The following CHL1 variants were observed in gnomAD, a reference collection of about 807,000 sequenced individuals.
CHL1 encodes the protein cell adhesion molecule L1 like.
A neutral mutation model predicts 141.9 loss-of-function variants in CHL1; 96 were observed. That is an observed-to-expected ratio of 0.68 (90% CI 0.57 to 0.80). The LOEUF is 0.80. Ranked by LOEUF, CHL1 falls within the 30% of genes least tolerant of loss-of-function variation. CHL1 has a pLI of 0.00. For synonymous variants in CHL1, 613 were observed against 502.2 expected (o/e 1.22, Z -2.95); for missense variants, 1,820 against 1,457.2 (o/e 1.25, Z -4.05).
At chr3:382,730 C>T in intron 18 of CHL1, 59 bp downstream of exon 18, 2 of 1,402,190 alleles carry the variant, frequency 1.4e-6, no homozygotes, top group African/African-American at 1.4e-5. Flanking sequence ...CATCTTTGAA[C>T]ATCTAAAAAA....
intron 1 of CHL1, among the ~76,000 whole-genome samples, chr3:244,309 G>A (rs1219555710): frequency 1.3e-5 from 2 of 152,164 alleles, no homozygotes; most frequent in African/African-American, 4.8e-5. Flanking sequence ...GTGGTCTGTT[G>A]CAAAATACGT....
chr3:348,336 T>A (rs1702943387), intron 9 of CHL1, among the ~76,000 whole-genome samples: 2 of 152,162 alleles, frequency 1.3e-5, no homozygotes, highest in Non-Finnish European at 2.9e-5. Context: ...CAGCTACTAA[T>A]AACAAGAAGA....
At chr3:268,961 GA>G (rs1283124746) in intron 2 of CHL1, among the ~76,000 whole-genome samples, 2 of 152,172 alleles carry the variant, frequency 1.3e-5, no homozygotes, top group African/African-American at 4.8e-5. Flanking sequence ...TGTTGAGTGG[GA>G]TTTTGTATTT....
At chr3:309,632 C>T (rs1455935165) in intron 2 of CHL1, among the ~76,000 whole-genome samples, 1 of 151,920 alleles carries the variant, frequency 6.6e-6, no homozygotes, top group Non-Finnish European at 1.5e-5. Context: ...ACCTTGGCCT[C>T]CTGAGAAGCT....
intron 1 of CHL1, among the ~76,000 whole-genome samples, chr3:242,316 G>GC: frequency 6.6e-6 from 1 of 151,556 alleles, no homozygotes. Flanking sequence ...ACAGAGACTG[G>GC]CTGAGCGCGG....
chr3:289,307 C>T (rs936615175), intron 2 of CHL1, among the ~76,000 whole-genome samples: 1 of 152,164 alleles, frequency 6.6e-6, no homozygotes, highest in Non-Finnish European at 1.5e-5. Flanking sequence ...TCAAACTTAC[C>T]GATAACACAT....
chr3:270,881 A>C (rs1347573083), intron 2 of CHL1, among the ~76,000 whole-genome samples: 1 of 152,236 alleles, frequency 6.6e-6, no homozygotes, highest in East Asian at 1.9e-4. Context: ...TGACCTCTCC[A>C]TCACAGCAGT....
At chr3:282,103 T>C (rs538132424) in intron 2 of CHL1, among the ~76,000 whole-genome samples, 1 of 152,362 alleles carries the variant, frequency 6.6e-6, no homozygotes, top group Non-Finnish European at 1.5e-5. Context: ...AAATAAATAT[T>C]GTCTGGCATG....
intron 1 of CHL1, among the ~76,000 whole-genome samples, chr3:220,361 C>A (rs1700722761): frequency 6.6e-6 from 1 of 152,120 alleles, no homozygotes; most frequent in Admixed American, 6.5e-5. Flanking sequence ...TCCAGCTACT[C>A]AGGAGGCTGA....
rs1553596175 is a variant in CHL1 at position 252,392 on chromosome 3, A to ATATG, written c.-95+7703_-95+7704insGTAT. Among the ~76,000 whole-genome samples the ATATG allele has an allele frequency of 8.7e-4, 119 of 136,296 alleles. 2 individuals are homozygous for ATATG. The highest frequency in any genetic ancestry group is 3.1e-3 in the African/African-American group (114 of 37,058). The allele number at this position is 136,296 out of a possible 152,430, so 89.4% of individuals were successfully genotyped here. ...TATATATATATATATATATATATAT[A>ATATG]TATATATATTTCTATTTTGGTATTT... On this transcript the variant is annotated intron_variant, in intron 2 of 27. Transcript: ENST00000256509.
intron 10 of CHL1, among the ~76,000 whole-genome samples, chr3:352,073 A>C (rs1172567516): frequency 6.6e-6 from 1 of 152,174 alleles, no homozygotes; most frequent in Non-Finnish European, 1.5e-5. Context: ...TAGTAAGTGA[A>C]ATAGGAAAGC....
chr3:357,732 A>T (rs965487606), intron 11 of CHL1, among the ~76,000 whole-genome samples: 17 of 152,230 alleles, frequency 1.1e-4, no homozygotes, highest in Admixed American at 9.8e-4. Flanking sequence ...CAATTTCCAT[A>T]CCCATGCCAA....
chr3:353,865 C>G (rs894388062), intron 10 of CHL1, among the ~76,000 whole-genome samples: 6 of 152,150 alleles, frequency 3.9e-5, no homozygotes, highest in Non-Finnish European at 8.8e-5. Flanking sequence ...ACACTTTAAT[C>G]TAAACCTTTT....
At chr3:370,137 CT>C (rs1705438290) in intron 15 of CHL1, among the ~76,000 whole-genome samples, 1 of 152,144 alleles carries the variant, frequency 6.6e-6, no homozygotes, top group East Asian at 1.9e-4. Flanking sequence ...CGAGTCCCTT[CT>C]TTTCAATTGT....
intron 16 of CHL1, among the ~76,000 whole-genome samples, chr3:378,303 T>A (rs979298699): frequency 6.6e-6 from 1 of 152,166 alleles, no homozygotes; most frequent in African/African-American, 2.4e-5. Context: ...GACTGGAGGA[T>A]CTCGATAGGG....
In CHL1 at chr3:377,866, G is replaced by A. The variant is rs1210096270; in HGVS notation, c.1800G>A (p.Glu600=). ...ANLTISNVTL[E]DQGIYCCSAH... is the part of the protein sequence containing the mutation. ...TGACCATATCTAATGTAACTTTAGAGGACCAAGGTATTTACTGCTGTTCAG... is the reference window on the plus strand; with the variant it reads ...TGACCATATCTAATGTAACTTTAGAAGACCAAGGTATTTACTGCTGTTCAG... The change falls in exon 16 of 28, where the codon GAG becomes GAA. Residue 600 remains glutamate (E), a synonymous_variant. Transcript: ENST00000256509. 2.5e-6 allele frequency: 4 copies of A among 1,610,932 alleles called. No individual in the cohort carries two copies. The highest frequency in any genetic ancestry group is 2.2e-5 in the East Asian group (1 of 44,826).
At chr3:354,617 T>C (rs1337552506) in intron 10 of CHL1, 23 bp from the exon 11 acceptor site, 27 of 1,599,612 alleles carry the variant, frequency 1.7e-5, no homozygotes, top group Non-Finnish European at 2.2e-5. Context: ...ACATCTCTCA[T>C]GAGCTCTTCA....
chr3:347,280 A>G (rs188630873), intron 9 of CHL1, among the ~76,000 whole-genome samples: 6 of 152,322 alleles, frequency 3.9e-5, no homozygotes, highest in Non-Finnish European at 8.8e-5. Context: ...GGACCTGAAA[A>G]AAATTGAGAT....
chr3:314,556 A>G (rs1478139040), intron 2 of CHL1, among the ~76,000 whole-genome samples: 2 of 151,426 alleles, frequency 1.3e-5, no homozygotes, highest in Non-Finnish European at 2.9e-5. Flanking sequence ...ACTGATACTG[A>G]CCAGCTGGTT....
Sources: gnomAD v4.1 joint callset for allele counts (sites outside exome capture counted in the v4.1 genomes callset) on GRCh38, gnomAD v4.1.1 for gene constraint, MANE v1.5 for transcripts, NCBI Gene and HGNC (gene_info 2026-07-23, HGNC 2026-07-21) for gene names.